TRPC4AP: variants seen among roughly 807,000 people sequenced by gnomAD.
TRPC4AP encodes the protein short transient receptor potential channel 4-associated protein.
Under a neutral mutation model 99.0 loss-of-function variants are expected in TRPC4AP, and 45 were observed. That is an observed-to-expected ratio of 0.45 (90% confidence interval 0.36 to 0.58). The LOEUF is 0.58. Among genes scored for constraint, TRPC4AP ranks in the 20% least tolerant of loss-of-function variants. TRPC4AP has a pLI of 0.00. For missense variants in TRPC4AP, 879 were observed against 985.3 expected, an observed-to-expected ratio of 0.89 and a Z score of 1.44; for synonymous variants, 408 against 385.8, an observed-to-expected ratio of 1.06 and a Z score of -0.67.
chr20:35,048,058 T>C (rs534683306), intron 6 of TRPC4AP, among the ~76,000 whole-genome samples: 4 of 152,334 alleles, frequency 2.6e-5, no homozygotes, highest in African/African-American at 7.2e-5. Flanking sequence ...CACTATGGTA[T>C]TGATTTGCAT....
intron 6 of TRPC4AP, 78 bp downstream of exon 6, chr20:35,049,788 C>T: frequency 6.8e-7 from 1 of 1,465,638 alleles, no homozygotes; most frequent in South Asian, 1.4e-5. Flanking sequence ...TAAAAAAGCT[C>T]TGTATATTAT....
chr20:35,038,899 C>T (rs1047686746), intron 7 of TRPC4AP, among the ~76,000 whole-genome samples: 4 of 152,030 alleles, frequency 2.6e-5, no homozygotes, highest in Admixed American at 1.3e-4. Flanking sequence ...ATGGCAAAAC[C>T]GATGTCTACT....
At chr20:35,024,997 A>T (rs746862479) in intron 8 of TRPC4AP, among the ~76,000 whole-genome samples, 7 of 152,072 alleles carry the variant, frequency 4.6e-5, no homozygotes, top group Non-Finnish European at 8.8e-5. Context: ...ACCTGGGAGT[A>T]GGATTTCTAG....
intron 3 of TRPC4AP, among the ~76,000 whole-genome samples, chr20:35,060,014 C>T (rs1454165509): frequency 6.6e-6 from 1 of 151,730 alleles, no homozygotes; most frequent in Non-Finnish European, 1.5e-5. Flanking sequence ...AAAAAACAAA[C>T]AAAAACAACA....
chr20:35,077,759 G>T (rs1462264037), intron 2 of TRPC4AP, among the ~76,000 whole-genome samples: 1 of 152,064 alleles, frequency 6.6e-6, no homozygotes, highest in Non-Finnish European at 1.5e-5. Context: ...CCAATCACAG[G>T]ATAGTGTTGA....
chr20:35,060,744 C>G (rs894390999), intron 3 of TRPC4AP, among the ~76,000 whole-genome samples: 1 of 151,788 alleles, frequency 6.6e-6, no homozygotes, highest in Non-Finnish European at 1.5e-5. Flanking sequence ...AAAAGCCACA[C>G]GGTCATCTCA....
In TRPC4AP at chr20:35,049,907, G is replaced by T. The variant is rs763395144; in HGVS notation, c.616C>A (p.Gln206Lys). Residue 206 changes from glutamine (Q) to lysine (K), a missense_variant, in exon 6 of 19, where the codon CAA becomes AAA. Around this residue, in one of 3 missense-constraint regions of TRPC4AP, gnomAD observed 603 missense variants for 631.8 expected, o/e 0.95. Transcript: ENST00000252015. ...ATATCTTCAATGAGGGTTGCTGTTT[G>T]TAAGAATGTCTTCTTACTTGTCATC... ...TLMTSKKTFLQTATLIEDILG... is the reference protein window; with the variant it reads ...TLMTSKKTFLKTATLIEDILG... The T allele has an allele frequency of 1.2e-6, 2 of 1,614,020 alleles. No individual in the cohort carries two copies. Among genetic ancestry groups the T allele is most frequent in the Non-Finnish European group, 8.5e-7 (1 of 1,179,966 alleles).
chr20:35,041,807 T>C (rs55946144), intron 7 of TRPC4AP, among the ~76,000 whole-genome samples: 21,164 of 152,202 alleles, frequency 0.14, 1,848 homozygotes, highest in African/African-American at 0.25. Context: ...ACAGAACCTT[T>C]CTAGCCCTCA....
In TRPC4AP at chr20:35,008,742, A is replaced by G; in HGVS notation, c.1517T>C (p.Leu506Ser). ...TAAGCCCCTCTTCCCATCACACACC[A>G]AACTCCTGAAATAGAAGAGAGATAT... The part of the protein sequence containing the change: ...VEAVLNTDRS[L>S]VCDGKRGLLT... The change falls in exon 13 of 19, where the codon TTG (leucine) becomes TCG (serine). Residue 506 changes from leucine (L) to serine (S), a missense_variant. Leu to Ser is a moderately radical substitution (Grantham distance 145, BLOSUM62 -2). Coordinates refer to ENST00000252015, the MANE Select transcript of TRPC4AP (RefSeq NM_015638.3). 6.2e-7 allele frequency: 1 copy of G among 1,613,594 alleles called. No individual in the cohort carries two copies. The highest frequency in any genetic ancestry group is 8.5e-7 in the Non-Finnish European group (1 of 1,179,754).
At chr20:35,022,447 TG>T (rs1220818050) in intron 8 of TRPC4AP, among the ~76,000 whole-genome samples, 1 of 152,178 alleles carries the variant, frequency 6.6e-6, no homozygotes. Flanking sequence ...TGAGCCACGG[TG>T]CCCAGCGTAG....
chr20:35,005,431 C>T (rs147461437), intron 16 of TRPC4AP, among the ~76,000 whole-genome samples: 22 of 152,384 alleles, frequency 1.4e-4, no homozygotes, highest in African/African-American at 5.0e-4. Context: ...GCCAACTCAT[C>T]GTGCCAGGCA....
At chr20:35,013,962 G>T (rs772032579) in intron 10 of TRPC4AP, among the ~76,000 whole-genome samples, 5 of 152,216 alleles carry the variant, frequency 3.3e-5, no homozygotes, top group Non-Finnish European at 5.9e-5. Flanking sequence ...GTAGGGCCAA[G>T]ACATTAAATA....
At chr20:35,073,238 T>C (rs1453462903) in intron 2 of TRPC4AP, among the ~76,000 whole-genome samples, 1 of 152,196 alleles carries the variant, frequency 6.6e-6, no homozygotes, top group Non-Finnish European at 1.5e-5. Context: ...CAATTTGACT[T>C]CCTCTTTTCC....
intron 1 of TRPC4AP, among the ~76,000 whole-genome samples, chr20:35,087,153 C>T (rs1265440895): frequency 1.3e-5 from 2 of 149,922 alleles, no homozygotes; most frequent in Admixed American, 6.7e-5. Context: ...CACGGTGAAA[C>T]CCCGTCTCTA....
chr20:35,013,174 G>A, intron 10 of TRPC4AP, 108 bp from the exon 11 acceptor site: 2 of 967,858 alleles, frequency 2.1e-6, no homozygotes, highest in Non-Finnish European at 3.3e-6. Flanking sequence ...CTGTCCTCAT[G>A]TACCATGAGG....
At chr20:35,042,416 C>T (rs753549077) in intron 7 of TRPC4AP, among the ~76,000 whole-genome samples, 4 of 152,210 alleles carry the variant, frequency 2.6e-5, no homozygotes, top group Non-Finnish European at 4.4e-5. Flanking sequence ...GAGGAGGCTG[C>T]TCTGAAGCAC....
chr20:35,018,513 T>C (rs1032218751), intron 9 of TRPC4AP, among the ~76,000 whole-genome samples: 1 of 149,634 alleles, frequency 6.7e-6, no homozygotes, highest in South Asian at 2.1e-4. Context: ...AGAGGATCGC[T>C]TGAGCTGGGG....
At chr20:35,053,451 G>A (rs963653794) in intron 5 of TRPC4AP, among the ~76,000 whole-genome samples, 1 of 152,162 alleles carries the variant, frequency 6.6e-6, no homozygotes, top group African/African-American at 2.4e-5. Context: ...GCCAAAGATG[G>A]AGTCATTATA....
intron 8 of TRPC4AP, among the ~76,000 whole-genome samples, chr20:35,027,517 T>C (rs1047038368): frequency 1.3e-5 from 2 of 152,250 alleles, no homozygotes; most frequent in Non-Finnish European, 1.5e-5. Context: ...TTTGGTATCA[T>C]GATAATATGA....
Sources: gnomAD v4.1 joint callset for allele counts (sites outside exome capture counted in the v4.1 genomes callset) on GRCh38, gnomAD v4.1.1 for gene constraint, gnomAD v4.1.1 regional missense constraint, MANE v1.5 for transcripts, NCBI Gene and HGNC (gene_info 2026-07-23, HGNC 2026-07-21) for gene names.